Variants in PRLR observed in about 807,000 individuals in gnomAD.
PRLR encodes the protein prolactin receptor.
A neutral mutation model predicts 40.2 loss-of-function variants in PRLR; 13 were observed. That is an observed-to-expected ratio of 0.32 (90% CI 0.21 to 0.51). PRLR has a LOEUF of 0.51. Ranked by LOEUF, PRLR falls within the 20% of genes least tolerant of loss-of-function variation. The pLI, the probability that PRLR is intolerant of heterozygous loss-of-function variation, is 0.97. For synonymous variants in PRLR, 269 were observed against 278.7 expected (o/e 0.97, Z 0.35); for missense variants, 656 against 747.3 (o/e 0.88, Z 1.42).
Position 35,056,412 on chromosome 5 carries a change from A to G in PRLR, c.*8677T>C, listed in dbSNP as rs1400161858. 1 of 152,022 alleles carries G rather than the reference A, an allele frequency of 6.6e-6. No homozygotes were observed. The highest frequency in any genetic ancestry group is 1.5e-5 in the Non-Finnish European group (1 of 67,988). 9.4% of individuals were successfully genotyped at this position (152,022 alleles called of 1,614,324 possible). On this transcript the variant is annotated 3_prime_UTR_variant, in exon 10 of 10. Transcript: ENST00000618457. The stretch of plus-strand genomic sequence containing the variant: ...GGGCTTTTCAATAATTCTATTTCTT[A>G]TCCTTCTCCCTAGTCCCCCCACTGC...
At chr5:35,161,005 T>C (rs904283066) in intron 1 of PRLR, among the ~76,000 whole-genome samples, 4 of 152,224 alleles carry the variant, frequency 2.6e-5, no homozygotes, top group African/African-American at 9.6e-5. Flanking sequence ...CTTTGTGTAG[T>C]GGGCAGGAAG....
chr5:35,076,938 C>A (rs1306804583), intron 5 of PRLR, among the ~76,000 whole-genome samples: 1 of 152,090 alleles, frequency 6.6e-6, no homozygotes, highest in Non-Finnish European at 1.5e-5. Context: ...TCATATCCAG[C>A]CAAACTAAGC....
rs1769098557 is a variant in PRLR, at chr5:35,062,449, T to C, written c.*2640A>G. ...CTTGATAGACCACAAAAAAACTTTT[T>C]GTTAGACCACAAAAAAGCTTAATTC... On this transcript the variant is annotated 3_prime_UTR_variant, in exon 10 of 10. Coordinates refer to ENST00000618457, the MANE Select transcript of PRLR (RefSeq NM_000949.7). 1.3e-5 allele frequency: 2 copies of C among 152,074 alleles called. No individual in the cohort carries two copies. Among genetic ancestry groups the C allele is most frequent in the Admixed American group, 6.6e-5 (1 of 15,252 alleles). 9.4% of individuals were successfully genotyped at this position (152,074 alleles called of 1,614,324 possible).
chr5:35,150,691 A>G (rs1307081911), intron 1 of PRLR, among the ~76,000 whole-genome samples: 1 of 152,206 alleles, frequency 6.6e-6, no homozygotes, highest in East Asian at 1.9e-4. Flanking sequence ...AAGACATATG[A>G]TAAATATTTG....
intron 2 of PRLR, among the ~76,000 whole-genome samples, chr5:35,104,395 C>T (rs573914308): frequency 6.4e-4 from 96 of 150,994 alleles, no homozygotes; most frequent in African/African-American, 2.1e-3. Flanking sequence ...GTGCAGCCCA[C>T]GGAGTGTCAG....
chr5:35,086,396 C>A, intron 3 of PRLR, 56 bp from the exon 4 acceptor site: 1 of 1,594,420 alleles, frequency 6.3e-7, no homozygotes. Flanking sequence ...ACCATTTGAC[C>A]CTTCTGCTGG....
chr5:35,153,363 C>T (rs955827502), intron 1 of PRLR, among the ~76,000 whole-genome samples: 2 of 152,114 alleles, frequency 1.3e-5, no homozygotes, highest in African/African-American at 2.4e-5. Context: ...CAGGCCAATT[C>T]GTCTGGGATT....
intron 1 of PRLR, among the ~76,000 whole-genome samples, chr5:35,229,756 C>T (rs1435627964): frequency 1.3e-5 from 2 of 152,192 alleles, no homozygotes; most frequent in Non-Finnish European, 2.9e-5. Context: ...CGCCGGATGC[C>T]CGCGAGGCTG....
intron 5 of PRLR, among the ~76,000 whole-genome samples, chr5:35,080,790 C>A (rs1293940265): frequency 6.6e-6 from 1 of 152,018 alleles, no homozygotes; most frequent in Non-Finnish European, 1.5e-5. Flanking sequence ...TGGAACCAAC[C>A]CAAATGTCCA....
At chr5:35,113,225 T>C (rs1772782297) in intron 2 of PRLR, among the ~76,000 whole-genome samples, 1 of 132,648 alleles carries the variant, frequency 7.5e-6, no homozygotes, top group Admixed American at 7.7e-5. Context: ...TACCCACCCA[T>C]CTTTCCATCC....
chr5:35,210,527 G>A (rs4703511), intron 1 of PRLR, among the ~76,000 whole-genome samples: 12,088 of 152,264 alleles, frequency 0.079, 874 homozygotes, highest in African/African-American at 0.18. Flanking sequence ...AGAGAATTCA[G>A]TGCAAGGGTA....
intron 1 of PRLR, among the ~76,000 whole-genome samples, chr5:35,157,390 T>C (rs966195774): frequency 3.3e-5 from 5 of 152,204 alleles, no homozygotes; most frequent in African/African-American, 4.8e-5. Flanking sequence ...GGCTGAGGTA[T>C]AGATGCTACT....
At chr5:35,193,788 T>C (rs1014293144) in intron 1 of PRLR, among the ~76,000 whole-genome samples, 25 of 151,578 alleles carry the variant, frequency 1.6e-4, no homozygotes, top group African/African-American at 6.1e-4. Flanking sequence ...CAAATCACCC[T>C]GCTTGCTCTT....
intron 1 of PRLR, among the ~76,000 whole-genome samples, chr5:35,222,784 C>T (rs1015558374): frequency 1.7e-4 from 26 of 152,188 alleles, no homozygotes; most frequent in Non-Finnish European, 7.3e-5. Context: ...CCTGAGAATT[C>T]TCATTTCACC....
chr5:35,164,686 TA>T (rs1175994943), intron 1 of PRLR, among the ~76,000 whole-genome samples: 6 of 152,142 alleles, frequency 3.9e-5, no homozygotes, highest in Admixed American at 2.0e-4. Context: ...ATACAGATTT[TA>T]AAATATTATT....
At chr5:35,188,054 CCT>C (rs1484971278) in intron 1 of PRLR, among the ~76,000 whole-genome samples, 1 of 152,218 alleles carries the variant, frequency 6.6e-6, no homozygotes, top group Non-Finnish European at 1.5e-5. Flanking sequence ...GTGTCAGCAA[CCT>C]TTTTTGTCAG....
intron 1 of PRLR, among the ~76,000 whole-genome samples, chr5:35,148,359 A>G (rs1374793273): frequency 6.6e-6 from 1 of 152,138 alleles, no homozygotes; most frequent in Non-Finnish European, 1.5e-5. Context: ...TGTGATGCCA[A>G]TAAAGGGGGT....
At chr5:35,122,840 T>A (rs1177368664) in intron 1 of PRLR, among the ~76,000 whole-genome samples, 1 of 151,760 alleles carries the variant, frequency 6.6e-6, no homozygotes, top group Non-Finnish European at 1.5e-5. Flanking sequence ...TGTTTAGGAG[T>A]AGAGGTACCA....
At chr5:35,070,829 G>C (rs575835282) in intron 6 of PRLR, among the ~76,000 whole-genome samples, 1 of 85,600 alleles carries the variant, frequency 1.2e-5, no homozygotes, top group Non-Finnish European at 2.2e-5. Flanking sequence ...GTGACAAAGC[G>C]AAACTCCGTC....
Sources: allele counts gnomAD v4.1 joint callset (sites outside exome capture counted in the v4.1 genomes callset), GRCh38; gene constraint gnomAD v4.1.1; transcripts MANE v1.5; gene names NCBI Gene and HGNC (gene_info 2026-07-23, HGNC 2026-07-21).